The following NARS2 variants were observed in gnomAD, a reference collection of about 807,000 sequenced individuals.
NARS2 encodes the protein asparaginyl-tRNA synthetase 2, mitochondrial.
In NARS2, 60 loss-of-function variants were observed where a neutral mutation model predicts 62.9. The observed-to-expected ratio is 0.95, with a 90% CI of 0.77 to 1.18. The LOEUF is 1.18. NARS2 is among the 50% of genes most tolerant of loss of function. NARS2 has a pLI of 0.00. For missense variants in NARS2, 619 were observed against 576.4 expected, an observed-to-expected ratio of 1.07 and a Z score of -0.76; for synonymous variants, 196 against 200.0, an observed-to-expected ratio of 0.98 and a Z score of 0.17.
chr11:78,475,556 T>C (rs529551849), intron 9 of NARS2, among the ~76,000 whole-genome samples: 35 of 151,578 alleles, frequency 2.3e-4, no homozygotes, highest in South Asian at 1.0e-3. Context: ...CGCCACATCT[T>C]TGCCAACACC....
chr11:78,518,250 T>C (rs892536823), intron 6 of NARS2, among the ~76,000 whole-genome samples: 1 of 152,242 alleles, frequency 6.6e-6, no homozygotes, highest in Non-Finnish European at 1.5e-5. Context: ...ATAGGTTATA[T>C]GCAAATACGT....
chr11:78,437,623 T>A (rs1298617471), intron 13 of NARS2, among the ~76,000 whole-genome samples: 3 of 152,192 alleles, frequency 2.0e-5, no homozygotes, highest in Non-Finnish European at 4.4e-5. Flanking sequence ...AAAGGGCAAC[T>A]ATAAATATTT....
chr11:78,536,237 T>A (rs1205481774), intron 5 of NARS2, among the ~76,000 whole-genome samples: 1 of 152,232 alleles, frequency 6.6e-6, no homozygotes, highest in Non-Finnish European at 1.5e-5. Flanking sequence ...AACAACTATG[T>A]TACTGATTTA....
chr11:78,494,469 CTTTTTT>C (rs11437113), intron 6 of NARS2, among the ~76,000 whole-genome samples: 1 of 133,200 alleles, frequency 7.5e-6, no homozygotes, highest in Non-Finnish European at 1.6e-5. Flanking sequence ...TTTTCTTTTT[CTTTTTT>C]TTTTTTTTTT....
intron 4 of NARS2, 88 bp from the exon 5 acceptor site, chr11:78,559,707 C>T (rs888276353): frequency 3.6e-6 from 3 of 841,310 alleles, no homozygotes; most frequent in Non-Finnish European, 6.0e-6. Flanking sequence ...AAATGGCACA[C>T]TAAGCAGATG....
intron 11 of NARS2, among the ~76,000 whole-genome samples, chr11:78,456,987 T>C (rs1431462906): frequency 6.6e-6 from 1 of 152,214 alleles, no homozygotes; most frequent in Non-Finnish European, 1.5e-5. Context: ...TCAGAGAATC[T>C]TAGAGAGGTA....
At chr11:78,549,319 C>A (rs1480498554) in intron 5 of NARS2, among the ~76,000 whole-genome samples, 1 of 152,216 alleles carries the variant, frequency 6.6e-6, no homozygotes, top group Non-Finnish European at 1.5e-5. Flanking sequence ...GAGAATGATC[C>A]ATTGTCCCTT....
intron 5 of NARS2, among the ~76,000 whole-genome samples, chr11:78,534,021 T>C (rs1316334083): frequency 6.6e-6 from 1 of 152,220 alleles, no homozygotes; most frequent in African/African-American, 2.4e-5. Flanking sequence ...ACTGTCTGGA[T>C]GTAACAGATA....
chr11:78,469,148 G>A, intron 10 of NARS2, 99 bp downstream of exon 10: 2 of 800,966 alleles, frequency 2.5e-6, no homozygotes, highest in South Asian at 1.6e-5. Context: ...TTGCTAATAA[G>A]AGAATTAAGA....
At chr11:78,531,548 C>A (rs1861480618) in intron 5 of NARS2, among the ~76,000 whole-genome samples, 1 of 152,102 alleles carries the variant, frequency 6.6e-6, no homozygotes, top group Non-Finnish European at 1.5e-5. Flanking sequence ...TAAACAAACA[C>A]TTGCACACAA....
chr11:78,539,176 C>T lies in NARS2; in HGVS notation c.595-10240G>A, dbSNP rs184468557. ...ATGAGTTAAAAAATTCTTCTAGTGT[C>T]TTAGCGGAGAACAGATAATAAAGGG... is the stretch of plus-strand genomic sequence containing the variant. On this transcript the variant is annotated intron_variant, in intron 5 of 13. Transcript: ENST00000281038. Among the ~76,000 whole-genome samples, 17 of 151,744 alleles carry T rather than the reference C, an allele frequency of 1.1e-4. 1 individual carries two copies. The highest frequency in any genetic ancestry group is 1.1e-3 in the Admixed American group (16 of 15,230).
At position 78,564,143 on chromosome 11, in the gene NARS2, G is replaced by A. The variant is rs536003449; in HGVS notation, c.513+1989C>T. Among the ~76,000 whole-genome samples, 5 of 151,488 alleles carry A rather than the reference G, an allele frequency of 3.3e-5. No individual in the cohort carries two copies. The South Asian group carries it at 1.0e-3, about 32-fold the overall frequency. On this transcript the variant is annotated intron_variant, in intron 4 of 13. Coordinates refer to ENST00000281038, the MANE Select transcript of NARS2 (RefSeq NM_024678.6). ...TTGAACTCCTGAACTCAGGCAATCCGCCTGCCTTGGCCTCCCAAAGTGCTA... is the reference window on the plus strand; with the variant it reads ...TTGAACTCCTGAACTCAGGCAATCCACCTGCCTTGGCCTCCCAAAGTGCTA...
At chr11:78,486,022 A>G (rs1859559265) in intron 7 of NARS2, among the ~76,000 whole-genome samples, 1 of 152,004 alleles carries the variant, frequency 6.6e-6, no homozygotes, top group African/African-American at 2.4e-5. Flanking sequence ...TTACAGGCAC[A>G]TGTCACCATG....
At chr11:78,460,462 G>A (rs527769368) in intron 11 of NARS2, among the ~76,000 whole-genome samples, 2 of 152,172 alleles carry the variant, frequency 1.3e-5, no homozygotes, top group East Asian at 1.9e-4. Flanking sequence ...TTCAGAAGAG[G>A]AAAGAATGGA....
At chr11:78,485,397 TA>T (rs201268474) in intron 7 of NARS2, among the ~76,000 whole-genome samples, 6 of 146,932 alleles carry the variant, frequency 4.1e-5, no homozygotes, top group African/African-American at 1.5e-4. Flanking sequence ...GAACTTAAAG[TA>T]AAAAAAAACA....
At chr11:78,451,359 T>C in intron 11 of NARS2, among the ~76,000 whole-genome samples, 1 of 152,230 alleles carries the variant, frequency 6.6e-6, no homozygotes, top group East Asian at 1.9e-4. Flanking sequence ...AAAAACTACC[T>C]CTTTCTCCTG....
chr11:78,539,845 G>T lies in NARS2; in HGVS notation c.595-10909C>A, dbSNP rs535882977. Among the ~76,000 whole-genome samples the T allele has an allele frequency of 2.6e-5, 4 of 152,324 alleles. No individual in the cohort carries two copies. The East Asian group carries it at 7.7e-4, about 29-fold the overall frequency. On this transcript the variant is annotated intron_variant, in intron 5 of 13. Transcript: ENST00000281038. ...CAATCTCCCAAGTTCCCAATGCTCT[G>T]TTAAGGCATTCATATAGTCTATCAA...
intron 10 of NARS2, among the ~76,000 whole-genome samples, chr11:78,467,623 A>G (rs1858678618): frequency 1.3e-5 from 2 of 152,078 alleles, no homozygotes; most frequent in Admixed American, 1.3e-4. Context: ...CCTTCACAGA[A>G]AGAGAGAGTT....
chr11:78,504,445 T>G (rs1179122574), intron 6 of NARS2, among the ~76,000 whole-genome samples: 4 of 151,814 alleles, frequency 2.6e-5, no homozygotes, highest in African/African-American at 7.2e-5. Flanking sequence ...TTTTTTTTTT[T>G]TTTTTTTTTT....
Sources: allele counts gnomAD v4.1 joint callset (sites outside exome capture counted in the v4.1 genomes callset), GRCh38; gene constraint gnomAD v4.1.1; transcripts MANE v1.5; gene names NCBI Gene and HGNC (gene_info 2026-07-23, HGNC 2026-07-21).